USP48: variants seen among roughly 807,000 people sequenced by gnomAD.
The protein encoded by USP48 is ubiquitin carboxyl-terminal hydrolase 48.
A neutral mutation model predicts 150.7 loss-of-function variants in USP48; 43 were observed. The ratio of observed to expected loss-of-function variants is 0.29; its 90% CI spans 0.22 to 0.37. The LOEUF (loss-of-function observed/expected upper bound fraction) is 0.37. Ranked by LOEUF, USP48 falls within the 10% of genes least tolerant of loss-of-function variation. USP48 has a pLI of 1.00. For missense variants in USP48, 813 were observed against 1,249.6 expected (o/e 0.65, Z 5.27); for synonymous variants, 396 against 425.9 (o/e 0.93, Z 0.86).
At chr1:21,775,931 T>C (rs1268701662) in intron 1 of USP48, among the ~76,000 whole-genome samples, 4 of 152,088 alleles carry the variant, frequency 2.6e-5, no homozygotes, top group Non-Finnish European at 4.4e-5. Context: ...CAAAAAGAAA[T>C]TGTAACAAAA....
intron 1 of USP48, among the ~76,000 whole-genome samples, chr1:21,758,868 CACAA>C (rs1162311056): frequency 6.6e-6 from 1 of 152,074 alleles, no homozygotes; most frequent in Non-Finnish European, 1.5e-5. Flanking sequence ...CACGCATGCA[CACAA>C]ACAAAAATAA....
At chr1:21,679,470 T>G in intron 26 of USP48, 31 bp from the exon 27 acceptor site, 1 of 1,613,582 alleles carries the variant, frequency 6.2e-7, no homozygotes, top group Non-Finnish European at 8.5e-7. Flanking sequence ...GGAGGGATAG[T>G]TGTGAACTAC....
intron 14 of USP48, among the ~76,000 whole-genome samples, chr1:21,715,696 G>C (rs532642667): frequency 6.6e-6 from 1 of 152,136 alleles, no homozygotes. Flanking sequence ...AAGAAAATGT[G>C]CTTTTTTAAA....
intron 1 of USP48, among the ~76,000 whole-genome samples, chr1:21,773,494 C>A: frequency 6.6e-6 from 1 of 151,834 alleles, no homozygotes; most frequent in Admixed American, 6.6e-5. Flanking sequence ...GATCCTATCT[C>A]TATAAAACTA....
At chr1:21,756,174 T>A (rs141709487) in intron 3 of USP48, among the ~76,000 whole-genome samples, 3,395 of 149,596 alleles carry the variant, frequency 0.023, 61 homozygotes, top group Admixed American at 0.04. Flanking sequence ...AAAAAAATAA[T>A]AATAATAATA....
intron 8 of USP48, among the ~76,000 whole-genome samples, chr1:21,744,042 T>TA (rs2097788178): frequency 6.6e-6 from 1 of 152,148 alleles, no homozygotes. Flanking sequence ...AATCCACAGG[T>TA]ATCAGCAGTA....
chr1:21,765,870 C>T (rs2097860636), intron 1 of USP48, among the ~76,000 whole-genome samples: 2 of 124,814 alleles, frequency 1.6e-5, no homozygotes, highest in African/African-American at 3.2e-5. Flanking sequence ...CATGGTGCTC[C>T]GGCCTGGGCA....
At chr1:21,687,114 A>G in intron 25 of USP48, 77 bp downstream of exon 25, 2 of 1,398,092 alleles carry the variant, frequency 1.4e-6, no homozygotes, top group South Asian at 1.2e-5. Context: ...AGCACTGTAC[A>G]CTAAAGCTTC....
chr1:21,759,571 T>C (rs1405543794), intron 1 of USP48, among the ~76,000 whole-genome samples: 1 of 152,206 alleles, frequency 6.6e-6, no homozygotes, highest in Non-Finnish European at 1.5e-5. Context: ...TACATCTTAC[T>C]GTGCCCTAAA....
intron 1 of USP48, among the ~76,000 whole-genome samples, chr1:21,758,276 C>G (rs2097841944): frequency 6.6e-6 from 1 of 151,062 alleles, no homozygotes. Flanking sequence ...AAATCCAGGA[C>G]ACATTATTAA....
chr1:21,735,748 C>T (rs1571909408), intron 9 of USP48, among the ~76,000 whole-genome samples: 1 of 152,094 alleles, frequency 6.6e-6, no homozygotes, highest in Non-Finnish European at 1.5e-5. Context: ...ATCAGCCAGC[C>T]GTGGTGACAC....
rs771950075 is a variant in USP48 at position 21,721,684 on chromosome 1, T to C, written c.1729A>G (p.Thr577Ala). The change falls in exon 13 of 27, where the codon ACT becomes GCT. Residue 577 changes from threonine (T) to alanine (A), a missense_variant. Physicochemically the swap from Thr to Ala is moderately conservative, Grantham distance 58. Transcript: ENST00000308271. ...LKNQLNEDYK[T>A]VNNLLKAAVK... ...GCTGCTTTCAGCAGATTATTAACAG[T>C]TTTATAATCTTCATTTAGTTGGTTC... 5.0e-6 allele frequency: 8 copies of C among 1,605,868 alleles called. No homozygotes were observed. The highest frequency in any genetic ancestry group is 6.8e-6 in the Non-Finnish European group (8 of 1,174,972).
intron 5 of USP48, among the ~76,000 whole-genome samples, 179 bp from the exon 6 acceptor site, chr1:21,751,794 T>C (rs1405302924): frequency 1.3e-5 from 2 of 150,990 alleles, no homozygotes; most frequent in Non-Finnish European, 3.0e-5. Context: ...CCAAGGCGAG[T>C]GGATCACAAG....
intron 25 of USP48, among the ~76,000 whole-genome samples, chr1:21,681,960 T>TG (rs2097567193): frequency 6.6e-6 from 1 of 152,230 alleles, no homozygotes; most frequent in Non-Finnish European, 1.5e-5. Flanking sequence ...CACTCCAATA[T>TG]GGATCAGGTG....
chr1:21,753,014 C>T lies in USP48; in HGVS notation c.518G>A (p.Gly173Asp). 6.2e-7 allele frequency: 1 copy of T among 1,606,604 alleles called. No individual in the cohort carries two copies. Among genetic ancestry groups the T allele is most frequent in the Non-Finnish European group, 8.5e-7 (1 of 1,178,358 alleles). The change falls in exon 4 of 27, where the codon GGC becomes GAC. Residue 173 changes from glycine to aspartate, a missense_variant. Gly to Asp is a moderately conservative substitution (Grantham distance 94, BLOSUM62 -1). Transcript: ENST00000308271. ...TACCTGCTGTTGTCCAGTGTCCAGG[C>T]CCAAGGCTTTAACAAATCCTGATGG... is the stretch of plus-strand genomic sequence containing the variant. ...IDPSGFVKAL[G>D]LDTGQQQDAQ...
At chr1:21,750,542 A>C (rs1230634687) in intron 6 of USP48, among the ~76,000 whole-genome samples, 4 of 152,086 alleles carry the variant, frequency 2.6e-5, no homozygotes, top group Non-Finnish European at 5.9e-5. Context: ...GCTAATCCCC[A>C]ACAGCTGAAA....
At chr1:21,776,699 A>T (rs187376410) in intron 1 of USP48, among the ~76,000 whole-genome samples, 6 of 152,080 alleles carry the variant, frequency 3.9e-5, no homozygotes, top group Admixed American at 2.6e-4. Flanking sequence ...CACGCCTGTA[A>T]TCCCAGCACT....
At chr1:21,756,168 A>AAAT (rs111749356) in intron 3 of USP48, among the ~76,000 whole-genome samples, 11,320 of 151,096 alleles carry the variant, frequency 0.075, 485 homozygotes, top group Middle Eastern at 0.11. Flanking sequence ...TGTCTTAAAA[A>AAAT]AATAATAATA....
At chr1:21,725,854 C>T (rs756420204) in intron 11 of USP48, among the ~76,000 whole-genome samples, 2 of 152,080 alleles carry the variant, frequency 1.3e-5, no homozygotes, top group African/African-American at 2.4e-5. Context: ...AAATGCCTCC[C>T]GACTTTATTT....
Sources: gnomAD v4.1 joint callset for allele counts (sites outside exome capture counted in the v4.1 genomes callset) on GRCh38, gnomAD v4.1.1 for gene constraint, MANE v1.5 for transcripts, NCBI Gene and HGNC (gene_info 2026-07-23, HGNC 2026-07-21) for gene names.